HNRNPLL: variants seen among roughly 807,000 people sequenced by gnomAD.
HNRNPLL encodes the protein heterogeneous nuclear ribonucleoprotein L like.
In HNRNPLL, 25 loss-of-function variants were observed where a neutral mutation model predicts 67.1. That is an observed-to-expected ratio of 0.37 (90% CI 0.27 to 0.52). The LOEUF (loss-of-function observed/expected upper bound fraction) is 0.52. Among genes scored for constraint, HNRNPLL ranks in the 20% least tolerant of loss-of-function variants. The pLI is 0.90. For synonymous variants in HNRNPLL, 267 were observed against 241.7 expected (o/e 1.10, Z -0.97); for missense variants, 542 against 673.9 (o/e 0.80, Z 2.17).
chr2:38,569,978 A>G (rs78552153), intron 8 of HNRNPLL, 53 bp from the exon 9 acceptor site: 2 of 1,348,722 alleles, frequency 1.5e-6, no homozygotes, highest in Non-Finnish European at 2.1e-6. Context: ...TTTACAGTAA[A>G]AGAAATTTTA....
rs1229934206 is a variant in HNRNPLL, at chr2:38,602,645, C to G, written c.-19G>C. 2 of 1,485,718 alleles carry G rather than the reference C, an allele frequency of 1.3e-6. No homozygotes were observed. Among genetic ancestry groups the G allele is most frequent in the Non-Finnish European group, 1.8e-6 (2 of 1,121,106 alleles). 92.0% of individuals were successfully genotyped at this position (1,485,718 alleles called of 1,614,324 possible). A position where few individuals can be genotyped will look rare whatever the true frequency, so the allele number is the denominator to read the frequency against. The stretch of plus-strand genomic sequence containing the variant: ...AGGACATGGCGGCGGCCGGAGGGAC[C>G]GGCTGGCAGGCGGGTGGGGGTGGCG... On this transcript the variant is annotated 5_prime_UTR_variant, in exon 1 of 13. Coordinates refer to ENST00000449105, the MANE Select transcript of HNRNPLL (RefSeq NM_138394.4).
intron 6 of HNRNPLL, 145 bp downstream of exon 6, chr2:38,581,768 G>C: frequency 1.5e-6 from 1 of 645,956 alleles, no homozygotes; most frequent in Non-Finnish European, 2.7e-6. Context: ...TTATTTTCCA[G>C]CATTACATGG....
intron 6 of HNRNPLL, among the ~76,000 whole-genome samples, chr2:38,579,147 A>G (rs1357261963): frequency 1.3e-5 from 2 of 152,182 alleles, no homozygotes; most frequent in Non-Finnish European, 2.9e-5. Context: ...ACAGTGTGCT[A>G]TAAAGGAAAG....
Position 38,573,377 on chromosome 2 carries a change from G to A in HNRNPLL, c.925C>T (p.Arg309Ter), listed in dbSNP as rs1476523718. Residue 309 changes from arginine (R) to a stop codon, truncating the protein, a stop_gained, in exon 8 of 13, where the codon CGA becomes TGA. Coordinates refer to ENST00000449105, the MANE Select transcript of HNRNPLL (RefSeq NM_138394.4). LOFTEE classifies it high-confidence loss of function. ...PLPSRYRMGS[R>*]DTPELVAYPL... ...TAAGCAACAAGTTCAGGTGTATCTC[G>A]AGAGCCCATTCTGTAACGACTTGGT... The A allele has an allele frequency of 6.2e-7, 1 of 1,612,168 alleles. No homozygotes were observed. The highest frequency in any genetic ancestry group is 8.5e-7 in the Non-Finnish European group (1 of 1,179,028).
In HNRNPLL at chr2:38,598,251, C is replaced by T. The variant is rs766954909; in HGVS notation, c.189+4187G>A. ...AATGCTTGATAAGAAGGGATAAATA[C>T]GGGCTGGGAAAGAGAGGATGCTCTT... On this transcript the variant is annotated intron_variant, in intron 1 of 12. Coordinates refer to ENST00000449105, the MANE Select transcript of HNRNPLL (RefSeq NM_138394.4). Among the ~76,000 whole-genome samples the T allele has an allele frequency of 5.6e-4, 85 of 152,196 alleles. 1 individual carries two copies. The highest frequency in any genetic ancestry group is 2.0e-4 in the Admixed American group (3 of 15,294).
intron 2 of HNRNPLL, 99 bp downstream of exon 2, chr2:38,591,431 A>C: frequency 2.7e-6 from 2 of 748,068 alleles, no homozygotes. Context: ...TTATATATAC[A>C]AACAATATTT....
At chr2:38,572,149 G>A (rs1159639350) in intron 8 of HNRNPLL, among the ~76,000 whole-genome samples, 1 of 152,114 alleles carries the variant, frequency 6.6e-6, no homozygotes, top group Non-Finnish European at 1.5e-5. Flanking sequence ...CCTATCCCAT[G>A]TATTCTTGCC....
intron 8 of HNRNPLL, 119 bp downstream of exon 8, chr2:38,573,091 G>T: frequency 3.0e-6 from 2 of 675,066 alleles, no homozygotes. Context: ...TAGCTTATGT[G>T]GGTCATTACT....
intron 1 of HNRNPLL, among the ~76,000 whole-genome samples, chr2:38,593,768 G>A (rs1388907922): frequency 6.6e-6 from 1 of 151,954 alleles, no homozygotes; most frequent in East Asian, 1.9e-4. Flanking sequence ...GGAGGCTGAG[G>A]CAGAGAATTG....
chr2:38,589,565 A>C (rs940191636), intron 2 of HNRNPLL, among the ~76,000 whole-genome samples: 1 of 152,186 alleles, frequency 6.6e-6, no homozygotes, highest in Non-Finnish European at 1.5e-5. Context: ...TATCCACATA[A>C]CTACCAATCT....
intron 1 of HNRNPLL, 56 bp from the exon 2 acceptor site, chr2:38,591,704 G>T: frequency 1.8e-6 from 2 of 1,114,828 alleles, no homozygotes; most frequent in Non-Finnish European, 2.7e-6. Flanking sequence ...GGCCGAACGC[G>T]GTGGCTCACG....
chr2:38,570,000 G>A (rs769344930), intron 8 of HNRNPLL, 75 bp from the exon 9 acceptor site: 47 of 994,004 alleles, frequency 4.7e-5, no homozygotes, highest in Non-Finnish European at 6.9e-5. Context: ...AACACAATAC[G>A]ACCTAAGTGG....
chr2:38,589,979 C>A (rs962014706), intron 2 of HNRNPLL, among the ~76,000 whole-genome samples: 1 of 152,176 alleles, frequency 6.6e-6, no homozygotes, highest in African/African-American at 2.4e-5. Flanking sequence ...CTACTGTCAA[C>A]AGCAAGACTA....
intron 4 of HNRNPLL, among the ~76,000 whole-genome samples, chr2:38,583,157 A>G (rs1038268964): frequency 3.3e-5 from 5 of 152,192 alleles, no homozygotes; most frequent in Non-Finnish European, 7.3e-5. Context: ...CTAAAATTTT[A>G]TCAGTTTTTA....
intron 8 of HNRNPLL, among the ~76,000 whole-genome samples, chr2:38,571,069 T>C (rs928951795): frequency 2.6e-5 from 4 of 151,840 alleles, no homozygotes; most frequent in Admixed American, 6.6e-5. Context: ...AAAAAAACTG[T>C]AGACAGTACT....
At position 38,602,909 on chromosome 2, in the gene HNRNPLL, GGA is replaced by G; in HGVS notation, c.-285_-284del. On this transcript the variant is annotated 5_prime_UTR_variant, in exon 1 of 13. Transcript: ENST00000449105. Reference sequence around the variant, plus strand: ...CCTCCTCCGTCTCCGCTCCCTGCCCGGAGGAGCGAATCTAAGGATGGGGACGC... The same window carrying G: ...CCTCCTCCGTCTCCGCTCCCTGCCCGGGAGCGAATCTAAGGATGGGGACGC... 6.5e-7 allele frequency: 1 copy of G among 1,533,504 alleles called. No individual in the cohort carries two copies. Among genetic ancestry groups the G allele is most frequent in the Non-Finnish European group, 8.8e-7 (1 of 1,132,612 alleles). The allele number at this position is 1,533,504 out of a possible 1,614,324, so 95.0% of individuals were successfully genotyped here.
intron 1 of HNRNPLL, among the ~76,000 whole-genome samples, chr2:38,597,754 T>A (rs1000137908): frequency 3.3e-5 from 5 of 151,804 alleles, no homozygotes; most frequent in African/African-American, 1.2e-4. Context: ...AGTGGCACGA[T>A]CTCAGCTCAC....
chr2:38,563,083 T>C lies in HNRNPLL; in HGVS notation c.*1099A>G, dbSNP rs1433691809. 1 of 151,994 alleles carries C rather than the reference T, an allele frequency of 6.6e-6. No individual in the cohort carries two copies. Among genetic ancestry groups the C allele is most frequent in the Admixed American group, 6.6e-5 (1 of 15,258 alleles). The allele number at this position is 151,994 out of a possible 1,614,324, so 9.4% of individuals were successfully genotyped here. The stretch of plus-strand genomic sequence containing the variant: ...TTCTATTGTAAAAAAGCTGTGAACT[T>C]GGTAACAATCGTGCTATAGTCTCTT... On this transcript the variant is annotated 3_prime_UTR_variant, in exon 13 of 13. Transcript: ENST00000449105.
At chr2:38,569,980 G>C in intron 8 of HNRNPLL, 55 bp from the exon 9 acceptor site, 1 of 1,344,742 alleles carries the variant, frequency 7.4e-7, no homozygotes, top group Admixed American at 2.2e-5. Flanking sequence ...TACAGTAAAA[G>C]AAATTTTAAA....
Sources: allele counts gnomAD v4.1 joint callset (sites outside exome capture counted in the v4.1 genomes callset), GRCh38; gene constraint gnomAD v4.1.1; transcripts MANE v1.5; gene names NCBI Gene and HGNC (gene_info 2026-07-23, HGNC 2026-07-21).